The following UBA52 variants were observed in gnomAD, a reference collection of about 807,000 sequenced individuals.
UBA52 encodes the protein ubiquitin A-52 residue ribosomal protein fusion product 1.
A neutral mutation model predicts 15.3 loss-of-function variants in UBA52; 1 was observed. The observed-to-expected ratio is 0.07, with a 90% CI of 0.02 to 0.31. The LOEUF is 0.31. Ranked by LOEUF, UBA52 falls within the 10% of genes least tolerant of loss-of-function variation. UBA52 has a pLI of 1.00. For synonymous variants in UBA52, 50 were observed against 58.3 expected, an observed-to-expected ratio of 0.86 and a Z score of 0.65; for missense variants, 87 against 168.0, an observed-to-expected ratio of 0.52 and a Z score of 2.66.
intron 3 of UBA52, among the ~76,000 whole-genome samples, chr19:18,574,326 C>T (rs1975669999): frequency 6.6e-6 from 1 of 151,872 alleles, no homozygotes; most frequent in Admixed American, 6.6e-5. Flanking sequence ...CAGAGTCTTA[C>T]TCTGTCACCC....
upstream of UBA52, chr19:18,571,705 C>T (rs913807612): frequency 6.6e-6 from 1 of 152,270 alleles, no homozygotes; most frequent in Non-Finnish European, 1.5e-5. Flanking sequence ...GGTGGGCGAC[C>T]TTCACCCACG....
chr19:18,570,844 C>T (rs1012610960), upstream of UBA52, among the ~76,000 whole-genome samples: 3 of 151,774 alleles, frequency 2.0e-5, no homozygotes, highest in Non-Finnish European at 4.4e-5. Flanking sequence ...TGCGCCACCA[C>T]GCCCAGCTAA....
chr19:18,567,005 G>C (rs1975275346), upstream of UBA52: 1 of 767,594 alleles, frequency 1.3e-6, no homozygotes, highest in African/African-American at 1.7e-5. Context: ...GTGAGGTGAT[G>C]AACAGTGTGG....
At chr19:18,567,901 C>T (rs1299673960), upstream of UBA52, among the ~76,000 whole-genome samples, 2 of 152,168 alleles carry the variant, frequency 1.3e-5, no homozygotes, top group Non-Finnish European at 2.9e-5. Flanking sequence ...GATCTTGTGT[C>T]CCTTCCTCAC....
chr19:18,568,260 C>G (rs140842160), upstream of UBA52: 5 of 660,042 alleles, frequency 7.6e-6, no homozygotes, highest in African/African-American at 9.4e-5. Flanking sequence ...AGCGAAACTC[C>G]GTCTCAAAAA....
At chr19:18,572,785 TCC>T in intron 1 of UBA52, 1 of 1,003,084 alleles carries the variant, frequency 1.0e-6, no homozygotes, top group Admixed American at 5.2e-5. Flanking sequence ...TGTTGGGTGC[TCC>T]AGCTTGGAGT....
chr19:18,574,285 G>A (rs934140730), intron 3 of UBA52, among the ~76,000 whole-genome samples: 8 of 151,616 alleles, frequency 5.3e-5, no homozygotes, highest in East Asian at 1.9e-4. Context: ...TTGTGGGAGC[G>A]ACAAGAATTC....
Position 18,577,293 on chromosome 19 carries a change from G to C in UBA52, c.*2143G>C, listed in dbSNP as rs1199719603. 6.6e-6 allele frequency: 1 copy of C among 152,090 alleles called. No homozygotes were observed. The allele number at this position is 152,090 out of a possible 1,614,324, so 9.4% of individuals were successfully genotyped here. ...AGGATTCAAAATTAACCACTCCAAGGGGGGATTGAAGGAAGAACCACTCTT... is the reference window on the plus strand; with the variant it reads ...AGGATTCAAAATTAACCACTCCAAGCGGGGATTGAAGGAAGAACCACTCTT... On this transcript the variant is annotated 3_prime_UTR_variant, in exon 5 of 5. Transcript: ENST00000442744.
chr19:18,573,047 C>T, intron 1 of UBA52: 1 of 1,327,350 alleles, frequency 7.5e-7, no homozygotes, highest in Non-Finnish European at 9.7e-7. Context: ...TGAAGAGCAC[C>T]CGTGCGGTCA....
intron 1 of UBA52, chr19:18,572,718 T>A (rs988107197): frequency 3.7e-5 from 34 of 912,928 alleles, no homozygotes; most frequent in Non-Finnish European, 4.2e-5. Flanking sequence ...TGGTTTGGGG[T>A]CAAGGCAAGA....
At chr19:18,570,142 C>T (rs1975429129), upstream of UBA52, among the ~76,000 whole-genome samples, 1 of 152,116 alleles carries the variant, frequency 6.6e-6, no homozygotes, top group Non-Finnish European at 1.5e-5. Context: ...AAACAGGTAC[C>T]CCTGTTAAGC....
At chr19:18,573,196 C>A in intron 1 of UBA52, 97 bp from the exon 2 acceptor site, 1 of 1,255,558 alleles carries the variant, frequency 8.0e-7, no homozygotes, top group Non-Finnish European at 1.1e-6. Flanking sequence ...GGACTTGGTG[C>A]AGGCAAAGGG....
intron 2 of UBA52, 34 bp downstream of exon 2, chr19:18,573,437 GA>G: frequency 1.3e-6 from 2 of 1,566,588 alleles, no homozygotes; most frequent in Non-Finnish European, 1.8e-6. Flanking sequence ...CTCTGGCTGT[GA>G]ACTGGGAGTC....
chr19:18,572,679 G>A (rs1975559024), intron 1 of UBA52: 3 of 487,706 alleles, frequency 6.2e-6, no homozygotes. Flanking sequence ...ATGCTTGGCA[G>A]GTGGTTGGTA....
chr19:18,571,213 G>A (rs1429201893), upstream of UBA52, among the ~76,000 whole-genome samples: 1 of 151,356 alleles, frequency 6.6e-6, no homozygotes, highest in Non-Finnish European at 1.5e-5. Context: ...GGGAGGCTGA[G>A]GCAGGAGAAT....
chr19:18,571,464 T>C (rs1222930023), upstream of UBA52, among the ~76,000 whole-genome samples: 2 of 152,168 alleles, frequency 1.3e-5, no homozygotes, highest in African/African-American at 4.8e-5. Context: ...TAATAACCGA[T>C]TCCAGGTGTT....
At position 18,576,968 on chromosome 19, in the gene UBA52, T is replaced by C. The variant is rs2145305490; in HGVS notation, c.*1818T>C. The C allele has an allele frequency of 6.9e-6, 1 of 145,402 alleles. No homozygotes were observed. The highest frequency in any genetic ancestry group is 2.0e-4 in the East Asian group (1 of 4,892). The allele number at this position is 145,402 out of a possible 1,614,324, so 9.0% of individuals were successfully genotyped here. ...CAAGCGTAAGCCACAGCGCCTGGCC[T>C]TGCTACATTTTTTTTTTTTTTTTTT... On this transcript the variant is annotated 3_prime_UTR_variant, in exon 5 of 5. Coordinates refer to ENST00000442744, the MANE Select transcript of UBA52 (RefSeq NM_001033930.3).
chr19:18,574,493 C>T (rs187881135), intron 3 of UBA52, among the ~76,000 whole-genome samples: 4 of 151,994 alleles, frequency 2.6e-5, no homozygotes, highest in Non-Finnish European at 4.4e-5. Flanking sequence ...GGTTTCACTA[C>T]GTTGGCCAGG....
chr19:18,564,667 G>C, the UBA52 span, among the ~76,000 whole-genome samples: 4 of 152,256 alleles, frequency 2.6e-5, no homozygotes, highest in East Asian at 7.7e-4. Flanking sequence ...TACATGAGAA[G>C]GACACACTTG....
Sources: gnomAD v4.1 joint callset for allele counts (sites outside exome capture counted in the v4.1 genomes callset) on GRCh38, gnomAD v4.1.1 for gene constraint, MANE v1.5 for transcripts, NCBI Gene and HGNC (gene_info 2026-07-23, HGNC 2026-07-21) for gene names.